Variants in UBR2 observed in about 807,000 individuals in gnomAD.
The protein encoded by UBR2 is E3 ubiquitin-protein ligase UBR2.
UBR2 carries 92 observed loss-of-function variants against 247.9 expected under a neutral mutation model. That is an observed-to-expected ratio of 0.37 (90% CI 0.31 to 0.44). The LOEUF (loss-of-function observed/expected upper bound fraction) is 0.44, where lower values mean the gene tolerates loss of function less well. UBR2 is among the 20% of genes least tolerant of loss of function. The probability of loss-of-function intolerance (pLI) is 1.00; values close to 1 mark genes in which losing one functional copy is unlikely to be tolerated. For synonymous variants in UBR2, 672 were observed against 693.5 expected (o/e 0.97, Z 0.49); for missense variants, 1,613 against 2,112.6 (o/e 0.76, Z 4.64).
chr6:42,645,362 C>A, intron 20 of UBR2, 104 bp from the exon 21 acceptor site: 1 of 1,102,340 alleles, frequency 9.1e-7, no homozygotes, highest in Non-Finnish European at 1.3e-6. Flanking sequence ...ATTGCTCAGA[C>A]AGACTTAGAG....
At chr6:42,594,482 T>C (rs1562292769) in intron 4 of UBR2, among the ~76,000 whole-genome samples, 178 bp downstream of exon 4, 1 of 152,242 alleles carries the variant, frequency 6.6e-6, no homozygotes, top group Admixed American at 6.5e-5. Flanking sequence ...AGTACACAGT[T>C]GAAATTTGGG....
At chr6:42,584,995 T>C (rs1792165121) in intron 2 of UBR2, among the ~76,000 whole-genome samples, 1 of 152,190 alleles carries the variant, frequency 6.6e-6, no homozygotes, top group Admixed American at 6.5e-5. Flanking sequence ...GCTCCATTGC[T>C]CTGGTGAAAG....
intron 11 of UBR2, among the ~76,000 whole-genome samples, chr6:42,625,977 C>T (rs191426469): frequency 1.7e-3 from 259 of 151,952 alleles, no homozygotes; most frequent in African/African-American, 6.1e-3. Flanking sequence ...CCATGCCTGG[C>T]TATTTTTTTT....
chr6:42,618,704 A>C (rs920483154), intron 11 of UBR2, among the ~76,000 whole-genome samples: 1 of 152,232 alleles, frequency 6.6e-6, no homozygotes, highest in African/African-American at 2.4e-5. Context: ...GAGTGTGGGA[A>C]ACCTAATCAG....
At chr6:42,650,215 T>A in intron 22 of UBR2, 69 bp from the exon 23 acceptor site, 1 of 1,284,964 alleles carries the variant, frequency 7.8e-7, no homozygotes, top group Middle Eastern at 1.9e-4. Flanking sequence ...TGTTCTAATA[T>A]CCAAGACTAT....
At chr6:42,657,564 T>C (rs1797514217) in intron 26 of UBR2, among the ~76,000 whole-genome samples, 1 of 152,248 alleles carries the variant, frequency 6.6e-6, no homozygotes, top group African/African-American at 2.4e-5. Flanking sequence ...AATATGGACT[T>C]GACTCTTATA....
At chr6:42,640,685 C>A (rs1033534870) in intron 16 of UBR2, among the ~76,000 whole-genome samples, 1 of 151,870 alleles carries the variant, frequency 6.6e-6, no homozygotes, top group African/African-American at 2.4e-5. Context: ...TGAAGCCCAC[C>A]CATGTTTGGA....
chr6:42,571,581 A>G (rs1236997857), intron 1 of UBR2, among the ~76,000 whole-genome samples: 3 of 151,994 alleles, frequency 2.0e-5, no homozygotes, highest in East Asian at 1.9e-4. Context: ...TGTCTCTACT[A>G]AAAATACAAA....
Position 42,632,917 on chromosome 6 carries a change from T to C in UBR2, c.1545+13T>C, listed in dbSNP as rs1392771018. 1.4e-6 allele frequency: 2 copies of C among 1,446,854 alleles called. No individual in the cohort carries two copies. The highest frequency in any genetic ancestry group is 1.8e-6 in the Non-Finnish European group (2 of 1,085,762). 89.6% of individuals were successfully genotyped at this position (1,446,854 alleles called of 1,614,324 possible). Reference sequence around the variant, plus strand: ...AAAATGTATGCAGGTATGTAAAAACTGTTACACTTTTCTTTTTCCTTTTTT... The same window carrying C: ...AAAATGTATGCAGGTATGTAAAAACCGTTACACTTTTCTTTTTCCTTTTTT... On this transcript the variant is annotated intron_variant, in intron 13 of 46. Transcript: ENST00000372901.
intron 2 of UBR2, among the ~76,000 whole-genome samples, chr6:42,582,100 G>A (rs971185426): frequency 2.6e-5 from 4 of 151,970 alleles, no homozygotes; most frequent in African/African-American, 7.3e-5. Context: ...TGGCTAACAT[G>A]GTGAAACCCC....
intron 38 of UBR2, 109 bp from the exon 39 acceptor site, chr6:42,675,943 TAAGA>T: frequency 7.0e-7 from 1 of 1,433,558 alleles, no homozygotes; most frequent in Non-Finnish European, 9.2e-7. Context: ...GGCAACAGAG[TAAGA>T]CTCTGTCTCA....
At chr6:42,681,967 G>A (rs1475459589) in intron 42 of UBR2, among the ~76,000 whole-genome samples, 3 of 152,126 alleles carry the variant, frequency 2.0e-5, no homozygotes, top group Non-Finnish European at 2.9e-5. Flanking sequence ...CCAGCTACTC[G>A]GGAGGCTGAG....
intron 46 of UBR2, among the ~76,000 whole-genome samples, chr6:42,690,236 A>G (rs1484162049): frequency 2.6e-5 from 4 of 152,254 alleles, no homozygotes; most frequent in Non-Finnish European, 4.4e-5. Flanking sequence ...TTTAACCGCC[A>G]TAGATATGCC....
At chr6:42,658,501 C>A in intron 28 of UBR2, 145 bp from the exon 29 acceptor site, 2 of 1,093,492 alleles carry the variant, frequency 1.8e-6, no homozygotes, top group Non-Finnish European at 2.5e-6. Flanking sequence ...TAAAACAAGT[C>A]AGTTTAAGAG....
chr6:42,640,031 A>T (rs542539260), intron 15 of UBR2, among the ~76,000 whole-genome samples, 178 bp from the exon 16 acceptor site: 54 of 152,244 alleles, frequency 3.5e-4, no homozygotes, highest in South Asian at 1.0e-3. Flanking sequence ...CGTCTCAAAA[A>T]ATTAATAATA....
At chr6:42,583,789 G>T (rs1170612452) in intron 2 of UBR2, among the ~76,000 whole-genome samples, 3 of 151,594 alleles carry the variant, frequency 2.0e-5, no homozygotes, top group Non-Finnish European at 4.4e-5. Flanking sequence ...CTCCCAAAGT[G>T]CTGGGATTGC....
chr6:42,657,893 A>G lies in UBR2; in HGVS notation c.2873-131A>G, dbSNP rs1797530787. 6.5e-6 allele frequency: 4 copies of G among 618,174 alleles called. No individual in the cohort carries two copies. In the South Asian group the frequency reaches 1.0e-4, roughly 16 times the overall value. 38.3% of individuals were successfully genotyped at this position (618,174 alleles called of 1,614,324 possible). ...TTCTCAAGAAGTATTGAAAATCTCTATTTTGGTAGAGCCATAATCAAATTA... is the reference window on the plus strand; with the variant it reads ...TTCTCAAGAAGTATTGAAAATCTCTGTTTTGGTAGAGCCATAATCAAATTA... On this transcript the variant is annotated intron_variant, in intron 26 of 46. Coordinates refer to ENST00000372901, the MANE Select transcript of UBR2 (RefSeq NM_001363705.2).
intron 11 of UBR2, among the ~76,000 whole-genome samples, chr6:42,626,036 G>A (rs1215647255): frequency 6.6e-5 from 10 of 151,496 alleles, no homozygotes; most frequent in African/African-American, 1.9e-4. Context: ...GGATGGTCTC[G>A]ATCTCCTGAC....
At chr6:42,612,355 CTG>C (rs1794144052) in intron 8 of UBR2, 64 bp downstream of exon 8, 1 of 1,390,806 alleles carries the variant, frequency 7.2e-7, no homozygotes, top group South Asian at 1.9e-5. Flanking sequence ...TGTTGCAAAA[CTG>C]TTTTGGGAAA....
Sources: gnomAD v4.1 joint callset for allele counts (sites outside exome capture counted in the v4.1 genomes callset) on GRCh38, gnomAD v4.1.1 for gene constraint, MANE v1.5 for transcripts, NCBI Gene and HGNC (gene_info 2026-07-23, HGNC 2026-07-21) for gene names.